The following ADGRL2 variants were observed in gnomAD, a reference collection of about 807,000 sequenced individuals.
ADGRL2 encodes the protein adhesion G protein-coupled receptor L2.
In ADGRL2, 44 loss-of-function variants were observed where a neutral mutation model predicts 157.4. The ratio of observed to expected loss-of-function variants is 0.28; its 90% confidence interval spans 0.22 to 0.36. The LOEUF (loss-of-function observed/expected upper bound fraction) is 0.36, where lower values mean the gene tolerates loss of function less well. Among genes scored for constraint, ADGRL2 ranks in the 10% least tolerant of loss-of-function variants. ADGRL2 has a pLI of 1.00. For synonymous variants in ADGRL2, 585 were observed against 624.7 expected (o/e 0.94, Z 0.95); for missense variants, 1,510 against 1,768.9 (o/e 0.85, Z 2.63).
Position 81,589,943 on chromosome 1 carries a change from C to A in ADGRL2, c.-143+8963C>A, listed in dbSNP as rs74685862. Among the ~76,000 whole-genome samples the A allele has an allele frequency of 9.1e-3, 1,379 of 152,240 alleles. 30 individuals are homozygous for A. The highest frequency in any genetic ancestry group is 0.031 in the African/African-American group (1,284 of 41,548). On this transcript the variant is annotated intron_variant, in intron 3 of 24. Transcript: ENST00000370721. ...GAACCACTGTGAAATAAGTCTAGAT[C>A]AGAACTCCATTTATTTCCTGACACT...
At chr1:81,805,370 A>G (rs535924060) in intron 1 of ADGRL2, among the ~76,000 whole-genome samples, 1 of 151,990 alleles carries the variant, frequency 6.6e-6, no homozygotes, top group Non-Finnish European at 1.5e-5. Flanking sequence ...ATGGAAATGA[A>G]TTTCAGGGGA....
intron 1 of ADGRL2, among the ~76,000 whole-genome samples, chr1:81,374,440 C>T (rs896858288): frequency 2.0e-5 from 3 of 151,926 alleles, no homozygotes; most frequent in Admixed American, 1.3e-4. Flanking sequence ...GACGTGGTGG[C>T]GGGCACCTGT....
chr1:81,372,410 G>A (rs2076175812), intron 1 of ADGRL2, among the ~76,000 whole-genome samples: 1 of 152,114 alleles, frequency 6.6e-6, no homozygotes, highest in South Asian at 2.1e-4. Context: ...AAACACAAGG[G>A]GGAAATATCA....
chr1:81,383,776 A>C (rs970043003), intron 1 of ADGRL2, among the ~76,000 whole-genome samples: 1 of 146,978 alleles, frequency 6.8e-6, no homozygotes, highest in Non-Finnish European at 1.5e-5. Context: ...CATCCTGGCT[A>C]ACACGGTGAA....
chr1:81,958,175 C>T (rs1306291571), intron 11 of ADGRL2, among the ~76,000 whole-genome samples: 5 of 151,654 alleles, frequency 3.3e-5, no homozygotes, highest in African/African-American at 9.7e-5. Flanking sequence ...GAGAATCCCT[C>T]GAACCTGGGA....
chr1:81,581,707 T>C (rs1455848691), intron 3 of ADGRL2, among the ~76,000 whole-genome samples: 1 of 152,166 alleles, frequency 6.6e-6, no homozygotes, highest in Non-Finnish European at 1.5e-5. Flanking sequence ...TCAATACTTC[T>C]GGAGTTTCAA....
chr1:81,416,162 C>T (rs1408709071), intron 1 of ADGRL2, among the ~76,000 whole-genome samples: 6 of 152,018 alleles, frequency 3.9e-5, no homozygotes, highest in Admixed American at 3.3e-4. Flanking sequence ...TCTCCTTTTC[C>T]TTATTGCTAA....
At chr1:81,350,311 T>A (rs938101337) in intron 1 of ADGRL2, among the ~76,000 whole-genome samples, 2 of 152,212 alleles carry the variant, frequency 1.3e-5, no homozygotes, top group Admixed American at 1.3e-4. Flanking sequence ...CAATAATTCA[T>A]CTGCTTACTG....
chr1:81,885,677 G>A (rs189339494), intron 2 of ADGRL2, among the ~76,000 whole-genome samples: 11 of 152,296 alleles, frequency 7.2e-5, no homozygotes, highest in Non-Finnish European at 1.5e-4. Context: ...GTCAAAAAGG[G>A]CAAGATGGGG....
intron 1 of ADGRL2, among the ~76,000 whole-genome samples, chr1:81,396,775 T>A (rs1447537163): frequency 1.3e-5 from 2 of 152,172 alleles, no homozygotes; most frequent in African/African-American, 4.8e-5. Flanking sequence ...TGATTTATCA[T>A]GTTTATTGAT....
chr1:81,737,858 T>C (rs2084952873), intron 1 of ADGRL2, among the ~76,000 whole-genome samples: 3 of 152,330 alleles, frequency 2.0e-5, no homozygotes, highest in African/African-American at 7.2e-5. Context: ...TTTTAATTTA[T>C]AGTTGCTAAA....
chr1:81,597,104 G>A (rs79033388), intron 3 of ADGRL2, among the ~76,000 whole-genome samples: 3,586 of 152,240 alleles, frequency 0.024, 141 homozygotes, highest in African/African-American at 0.082. Context: ...TTCTTCCTGA[G>A]AAAAGTATGT....
At chr1:81,746,420 G>T (rs980092875) in intron 1 of ADGRL2, among the ~76,000 whole-genome samples, 2 of 152,072 alleles carry the variant, frequency 1.3e-5, no homozygotes, top group African/African-American at 4.8e-5. Flanking sequence ...CTCCTGAGTA[G>T]CTGGGACTAC....
chr1:81,806,361 A>G (rs1036941665), intron 1 of ADGRL2, among the ~76,000 whole-genome samples: 3 of 152,070 alleles, frequency 2.0e-5, no homozygotes, highest in Admixed American at 2.0e-4. Flanking sequence ...AATTTTCACA[A>G]TCAGCAGAAA....
chr1:81,865,522 A>T (rs1241507523), intron 2 of ADGRL2, among the ~76,000 whole-genome samples: 1 of 152,166 alleles, frequency 6.6e-6, no homozygotes, highest in African/African-American at 2.4e-5. Flanking sequence ...TAGAAAGAAA[A>T]ATTGTCTCTA....
intron 3 of ADGRL2, among the ~76,000 whole-genome samples, chr1:81,625,313 T>C (rs575229037): frequency 1.3e-5 from 2 of 152,164 alleles, no homozygotes; most frequent in Admixed American, 1.3e-4. Flanking sequence ...TCCCTCCCTC[T>C]CTCCTCTAAA....
At chr1:81,490,787 A>T (rs2078615324) in intron 2 of ADGRL2, among the ~76,000 whole-genome samples, 1 of 152,234 alleles carries the variant, frequency 6.6e-6, no homozygotes. Context: ...AGTCCTAAGC[A>T]TATCCTTTAC....
intron 17 of ADGRL2, among the ~76,000 whole-genome samples, chr1:81,978,528 A>G (rs1660797613): frequency 6.6e-6 from 1 of 151,764 alleles, no homozygotes. Flanking sequence ...GACCTCATTT[A>G]TCCCTTAAGA....
intron 2 of ADGRL2, among the ~76,000 whole-genome samples, chr1:81,559,036 C>T (rs887516993): frequency 2.6e-5 from 4 of 152,084 alleles, no homozygotes; most frequent in Admixed American, 1.3e-4. Flanking sequence ...TCTCTTATTC[C>T]TATAATCTTC....
Sources: gnomAD v4.1 joint callset for allele counts (sites outside exome capture counted in the v4.1 genomes callset) on GRCh38, gnomAD v4.1.1 for gene constraint, MANE v1.5 for transcripts, NCBI Gene and HGNC (gene_info 2026-07-23, HGNC 2026-07-21) for gene names.